TMEM138: variants seen among roughly 807,000 people sequenced by gnomAD.
TMEM138 encodes the protein transmembrane protein 138.
In TMEM138, 9 loss-of-function variants were observed where a neutral mutation model predicts 18.1. The ratio of observed to expected loss-of-function variants is 0.50; its 90% confidence interval spans 0.30 to 0.87. The LOEUF (loss-of-function observed/expected upper bound fraction) is 0.87. Among genes scored for constraint, TMEM138 ranks in the 40% least tolerant of loss-of-function variants. The pLI is 0.06. For missense variants in TMEM138, 189 were observed against 190.6 expected (o/e 0.99, Z 0.05); for synonymous variants, 79 against 74.8 (o/e 1.06, Z -0.29).
chr11:61,370,070 C>T (rs1858297556), downstream of TMEM138, among the ~76,000 whole-genome samples: 1 of 152,236 alleles, frequency 6.6e-6, no homozygotes, highest in African/African-American at 2.4e-5. Context: ...AGAGACACAA[C>T]ACAAGTCAAA....
chr11:61,372,177 G>GAAAA (rs34248583), downstream of TMEM138, among the ~76,000 whole-genome samples: 1 of 128,900 alleles, frequency 7.8e-6, no homozygotes, highest in Non-Finnish European at 1.6e-5. Flanking sequence ...CTCTGTCTCA[G>GAAAA]AAAAAAAAAA....
rs149327827 is a variant in TMEM138, at chr11:61,364,471, C to T, written c.81C>T (p.Phe27=). 107 of 1,614,152 alleles carry T rather than the reference C, an allele frequency of 6.6e-5. No individual in the cohort carries two copies. The highest frequency in any genetic ancestry group is 8.4e-5 in the Non-Finnish European group (99 of 1,180,052). ...CCTATGACCTCTTTGTCAATTCCTT[C>T]TCAGAACTGCTCCAAAAGACTCCTG... ...LLSYDLFVNS[F]SELLQKTPVI... Residue 27 remains phenylalanine (F), a synonymous_variant, in exon 2 of 5, where the codon TTC becomes TTT. Coordinates refer to ENST00000278826, the MANE Select transcript of TMEM138 (RefSeq NM_016464.5).
chr11:61,375,792 A>G (rs1009633294), downstream of TMEM138, among the ~76,000 whole-genome samples: 23 of 152,196 alleles, frequency 1.5e-4, no homozygotes, highest in Non-Finnish European at 3.1e-4. Context: ...AGCCAATAAA[A>G]GCCCCTTGGA....
chr11:61,371,909 G>A (rs1858352973), downstream of TMEM138, among the ~76,000 whole-genome samples: 1 of 152,186 alleles, frequency 6.6e-6, no homozygotes, highest in South Asian at 2.1e-4. Context: ...GGGCACAGTG[G>A]CTCACACCTG....
At chr11:61,364,953 C>T (rs1858085296) in intron 2 of TMEM138, among the ~76,000 whole-genome samples, 1 of 150,782 alleles carries the variant, frequency 6.6e-6, no homozygotes, top group African/African-American at 2.4e-5. Flanking sequence ...TTTGGGAGGC[C>T]AAGGTGGGCA....
downstream of TMEM138, among the ~76,000 whole-genome samples, chr11:61,375,596 T>C (rs1565083398): frequency 6.6e-6 from 1 of 152,210 alleles, no homozygotes; most frequent in Non-Finnish European, 1.5e-5. Flanking sequence ...GTGCTGGGAT[T>C]ACAGGCATTA....
At chr11:61,370,475 G>T (rs951442160), downstream of TMEM138, among the ~76,000 whole-genome samples, 2 of 152,188 alleles carry the variant, frequency 1.3e-5, no homozygotes, top group African/African-American at 4.8e-5. Flanking sequence ...CAAGGTAGAG[G>T]GGTGGGTTTT....
Position 61,366,067 on chromosome 11 carries a change from T to C in TMEM138, c.151T>C (p.Phe51Leu). The change falls in exon 3 of 5, where the codon TTC (phenylalanine) becomes CTC (leucine). Residue 51 changes from phenylalanine to leucine, a missense_variant. Transcript: ENST00000278826. The stretch of plus-strand genomic sequence containing the variant: ...CAGCATCCAGGATATTGCAGTCCTC[T>C]TCAACATCATCATCATTTTCCTCAT... ...LFIIQDIAVLFNIIIIFLMFF... is the reference protein window; with the variant it reads ...LFIIQDIAVLLNIIIIFLMFF... 1.2e-6 allele frequency: 2 copies of C among 1,613,940 alleles called. No individual in the cohort carries two copies. The highest frequency in any genetic ancestry group is 4.5e-5 in the East Asian group (2 of 44,888).
At chr11:61,364,642 A>T in intron 2 of TMEM138, 124 bp downstream of exon 2, 1 of 1,365,002 alleles carries the variant, frequency 7.3e-7, no homozygotes, top group Non-Finnish European at 9.9e-7. Context: ...TAATCCCAGG[A>T]CTTTGGGAAG....
At chr11:61,373,532 TGA>T (rs1284899347), downstream of TMEM138, among the ~76,000 whole-genome samples, 1 of 152,094 alleles carries the variant, frequency 6.6e-6, no homozygotes, top group African/African-American at 2.4e-5. Context: ...TTGAAATCCT[TGA>T]GTTATCACTG....
At position 61,368,881 on chromosome 11, in the gene TMEM138, G is replaced by A; in HGVS notation, c.*172G>A. On this transcript the variant is annotated 3_prime_UTR_variant, in exon 5 of 5. Transcript: ENST00000278826. ...ATCCTCCCTCTTGCACAATTAGAGT[G>A]TCCCCATCGGTCTCCAGTGCGGCAT... is the stretch of plus-strand genomic sequence containing the variant. The A allele has an allele frequency of 1.6e-6, 1 of 611,198 alleles. No homozygotes were observed. The allele number at this position is 611,198 out of a possible 1,614,324, so 37.9% of individuals were successfully genotyped here.
At chr11:61,368,526 A>T in intron 4 of TMEM138, 71 bp from the exon 5 acceptor site, 2 of 1,076,928 alleles carry the variant, frequency 1.9e-6, no homozygotes, top group Non-Finnish European at 1.4e-6. Flanking sequence ...ACGCCTGGCC[A>T]GGTTCTGTTC....
At chr11:61,366,325 T>C (rs1858149795) in intron 3 of TMEM138, 109 bp downstream of exon 3, 4 of 1,253,368 alleles carry the variant, frequency 3.2e-6, no homozygotes, top group South Asian at 1.6e-5. Context: ...GCAATTCTCC[T>C]GCTTCTGCCT....
Position 61,365,346 on chromosome 11 carries a change from C to T in TMEM138, c.129-699C>T, listed in dbSNP as rs552322784. On this transcript the variant is annotated intron_variant, in intron 2 of 4. Coordinates refer to ENST00000278826, the MANE Select transcript of TMEM138 (RefSeq NM_016464.5). ...CACAATCTCAGCTCACTGCAACCTCCGCCCCCTGGGTTCAAGCAATTCTCC... is the reference window on the plus strand; with the variant it reads ...CACAATCTCAGCTCACTGCAACCTCTGCCCCCTGGGTTCAAGCAATTCTCC... 1.7e-3 allele frequency among the ~76,000 whole-genome samples: 264 copies of T among 151,802 alleles called. 10 individuals carry two copies. The South Asian group carries it at 0.048, about 28-fold the overall frequency.
rs1858215210 is a variant in TMEM138, at chr11:61,368,048, T to C, written c.376+50T>C. 2.3e-6 allele frequency: 3 copies of C among 1,292,048 alleles called. No individual in the cohort carries two copies. The African/African-American group carries it at 4.4e-5, about 19-fold the overall frequency. 80.0% of individuals were successfully genotyped at this position (1,292,048 alleles called of 1,614,324 possible). The stretch of plus-strand genomic sequence containing the variant: ...CTCTCTCAGGTCCCACATGTGTCTC[T>C]TTCAGTGAGGGCCTTGATGCTGGCT... On this transcript the variant is annotated intron_variant, in intron 4 of 4. Coordinates refer to ENST00000278826, the MANE Select transcript of TMEM138 (RefSeq NM_016464.5).
chr11:61,374,104 A>G (rs1295144357), downstream of TMEM138, among the ~76,000 whole-genome samples: 1 of 150,784 alleles, frequency 6.6e-6, no homozygotes, highest in East Asian at 1.9e-4. Context: ...CGGCCTCCCA[A>G]AGTTCTGGGA....
downstream of TMEM138, among the ~76,000 whole-genome samples, chr11:61,372,484 A>C (rs1858368083): frequency 9.3e-6 from 1 of 107,992 alleles, no homozygotes; most frequent in East Asian, 2.1e-4. Context: ...ATTCTTTCTC[A>C]AAAAAAAAAA....
At position 61,362,391 on chromosome 11, in the gene TMEM138, C is replaced by T. The variant is rs553390222; in HGVS notation, c.-169C>T. On this transcript the variant is annotated 5_prime_UTR_variant, in exon 1 of 5. Transcript: ENST00000278826. ...CGGCTTCCGGAAGCCGGGACGATGTCCGCATGACAACCGACGTTGGAGTTT... is the reference window on the plus strand; with the variant it reads ...CGGCTTCCGGAAGCCGGGACGATGTTCGCATGACAACCGACGTTGGAGTTT... The T allele has an allele frequency of 2.0e-4, 31 of 152,394 alleles. No homozygotes were observed. The highest frequency in any genetic ancestry group is 1.9e-3 in the Admixed American group (29 of 15,308). The allele number at this position is 152,394 out of a possible 1,614,324, so 9.4% of individuals were successfully genotyped here. A position where few individuals can be genotyped will look rare whatever the true frequency, so the allele number is the denominator to read the frequency against.
intron 4 of TMEM138, 195 bp downstream of exon 4, chr11:61,368,193 C>T (rs1262729487): frequency 2.8e-6 from 2 of 702,410 alleles, no homozygotes; most frequent in Non-Finnish European, 5.2e-6. Flanking sequence ...GCTGCCCAGC[C>T]TCATTAGGTT....
Sources: allele counts gnomAD v4.1 joint callset (sites outside exome capture counted in the v4.1 genomes callset), GRCh38; gene constraint gnomAD v4.1.1; transcripts MANE v1.5; gene names NCBI Gene and HGNC (gene_info 2026-07-23, HGNC 2026-07-21).